Variants in ZNF682 observed in about 807,000 individuals in gnomAD.
ZNF682 encodes the protein zinc finger protein 682.
In ZNF682, 29 loss-of-function variants were observed where a neutral mutation model predicts 36.5. The observed-to-expected ratio is 0.80, with a 90% CI of 0.59 to 1.08. The LOEUF (loss-of-function observed/expected upper bound fraction) is 1.08, where lower values mean the gene tolerates loss of function less well. Ranked by LOEUF, ZNF682 falls within the 50% of genes least tolerant of loss-of-function variation. The pLI is 0.00. For missense variants in ZNF682, 561 were observed against 579.7 expected, an observed-to-expected ratio of 0.97 and a Z score of 0.33; for synonymous variants, 180 against 197.0, an observed-to-expected ratio of 0.91 and a Z score of 0.72.
At chr19:20,032,118 ATAAC>A (rs1315468461) in intron 1 of ZNF682, among the ~76,000 whole-genome samples, 1 of 152,192 alleles carries the variant, frequency 6.6e-6, no homozygotes, top group Non-Finnish European at 1.5e-5. Flanking sequence ...TCTGAGCCTG[ATAAC>A]TAACAGAACT....
chr19:20,039,132 C>A (rs2088560793), intron 1 of ZNF682: 2 of 1,393,876 alleles, frequency 1.4e-6, no homozygotes, highest in African/African-American at 2.9e-5. Flanking sequence ...AGCGGGAGAA[C>A]GGAACGGGAT....
At position 20,004,788 on chromosome 19, in the gene ZNF682, A is replaced by G. The variant is rs1164800481; in HGVS notation, c.*1217T>C. 4 of 152,314 alleles carry G rather than the reference A, an allele frequency of 2.6e-5. No homozygotes were observed. The highest frequency in any genetic ancestry group is 4.8e-5 in the African/African-American group (2 of 41,562). The allele number at this position is 152,314 out of a possible 1,614,324, so 9.4% of individuals were successfully genotyped here. On this transcript the variant is annotated 3_prime_UTR_variant, in exon 4 of 4. Coordinates refer to ENST00000397165, the MANE Select transcript of ZNF682 (RefSeq NM_033196.3). ...CAGCATCAAGTAATTTGAGAGTTCA[A>G]TTACATCAAAATTTGCCTTTGTAAA...
At chr19:19,999,124 G>A (rs946390477) in intron 3 of ZNF682, among the ~76,000 whole-genome samples, 2 of 152,116 alleles carry the variant, frequency 1.3e-5, no homozygotes, top group African/African-American at 4.8e-5. Flanking sequence ...ATTCAGGAGA[G>A]TCATCACCAG....
chr19:19,996,973 AGCACACACAGAC>A, downstream of ZNF682: 1 of 356,278 alleles, frequency 2.8e-6, no homozygotes. Context: ...TTCTCAGATA[AGCACACACAGAC>A]ACACACACAG....
At position 20,005,079 on chromosome 19, in the gene ZNF682, C is replaced by G. The variant is rs557807763; in HGVS notation, c.*926G>C. The G allele has an allele frequency of 7.2e-4, 110 of 151,940 alleles. No homozygotes were observed. Among genetic ancestry groups the G allele is most frequent in the African/African-American group, 2.4e-3 (99 of 41,446 alleles). The allele number at this position is 151,940 out of a possible 1,614,324, so 9.4% of individuals were successfully genotyped here. On this transcript the variant is annotated 3_prime_UTR_variant, in exon 4 of 4. Transcript: ENST00000397165. ...TGTTAAATGCTTTCATATAAACTAG[C>G]GTTCTTTCTTTTTTTTTGAGACAGA...
chr19:20,002,249 ATTTT>A (rs10610980), downstream of ZNF682, among the ~76,000 whole-genome samples: 27 of 127,364 alleles, frequency 2.1e-4, no homozygotes, highest in Admixed American at 5.5e-4. Flanking sequence ...CCCCTGGCTA[ATTTT>A]TTTTTTTTTT....
At chr19:20,028,004 G>A (rs1276426576) in intron 1 of ZNF682, among the ~76,000 whole-genome samples, 4 of 152,078 alleles carry the variant, frequency 2.6e-5, no homozygotes, top group Non-Finnish European at 5.9e-5. Flanking sequence ...AATTACATGG[G>A]ACACTTAATT....
chr19:19,999,427 A>G (rs992012025), downstream of ZNF682, among the ~76,000 whole-genome samples: 2 of 152,240 alleles, frequency 1.3e-5, no homozygotes, highest in Admixed American at 6.5e-5. Flanking sequence ...GAGATTTTTT[A>G]AAAATGGGCT....
intron 3 of ZNF682, among the ~76,000 whole-genome samples, chr19:20,022,054 C>G (rs994039743): frequency 6.6e-6 from 1 of 151,250 alleles, no homozygotes; most frequent in African/African-American, 2.4e-5. Flanking sequence ...CCTGTAATAC[C>G]AGCTACTTGG....
intron 1 of ZNF682, among the ~76,000 whole-genome samples, chr19:20,037,814 T>C (rs1384865963): frequency 6.6e-6 from 1 of 152,220 alleles, no homozygotes; most frequent in Non-Finnish European, 1.5e-5. Context: ...GCCAGCACTG[T>C]ATCTCTAAGA....
intron 3 of ZNF682, among the ~76,000 whole-genome samples, chr19:20,011,313 T>C (rs1489841226): frequency 6.6e-6 from 1 of 152,206 alleles, no homozygotes; most frequent in Non-Finnish European, 1.5e-5. Flanking sequence ...GGCACACCCA[T>C]GTTTATAAAG....
chr19:20,012,439 C>T (rs540283808), intron 3 of ZNF682, among the ~76,000 whole-genome samples: 1 of 152,260 alleles, frequency 6.6e-6, no homozygotes, highest in East Asian at 1.9e-4. Flanking sequence ...GTAGACTATG[C>T]ATCTGACAAG....
At chr19:20,039,182 TG>T in intron 1 of ZNF682, 160 bp downstream of exon 1, 3 of 1,380,632 alleles carry the variant, frequency 2.2e-6, no homozygotes, top group Non-Finnish European at 2.8e-6. Flanking sequence ...CCTCGCATCC[TG>T]TGCCCGGAGG....
chr19:20,015,997 T>C (rs1179090154), intron 3 of ZNF682, among the ~76,000 whole-genome samples: 1 of 152,172 alleles, frequency 6.6e-6, no homozygotes, highest in Non-Finnish European at 1.5e-5. Flanking sequence ...AAGAAAGCTT[T>C]TTACGTGCAG....
At chr19:20,032,115 C>T (rs1041812136) in intron 1 of ZNF682, among the ~76,000 whole-genome samples, 7 of 152,142 alleles carry the variant, frequency 4.6e-5, no homozygotes, top group African/African-American at 1.7e-4. Flanking sequence ...CTCTCTGAGC[C>T]TGATAACTAA....
chr19:20,014,463 A>G (rs2088317212), intron 3 of ZNF682, among the ~76,000 whole-genome samples: 1 of 152,152 alleles, frequency 6.6e-6, no homozygotes, highest in Admixed American at 6.5e-5. Context: ...ATGGAATAAT[A>G]CTCAGCTTTT....
Position 20,039,444 on chromosome 19 carries a change from A to G in ZNF682, c.-99T>C. On this transcript the variant is annotated 5_prime_UTR_variant, in exon 1 of 4. Transcript: ENST00000397165. ...GCTGCGACAGTCACCGGGAACTACT[A>G]GAGCAGAGGATACTAAGCAATGAAG... is the stretch of plus-strand genomic sequence containing the variant. 6.6e-7 allele frequency: 1 copy of G among 1,510,610 alleles called. No homozygotes were observed. The allele number at this position is 1,510,610 out of a possible 1,614,324, so 93.6% of individuals were successfully genotyped here.
Position 20,006,560 on chromosome 19 carries a change from T to A in ZNF682, c.942A>T (p.Lys314Asn). Residue 314 changes from lysine to asparagine, a missense_variant, in exon 4 of 4, where the codon AAA (lysine) becomes AAT (asparagine). Transcript: ENST00000397165. The stretch of plus-strand genomic sequence containing the variant: ...TAAAGGCTTTCCCACATTCTTTACA[T>A]TTGTAGGGTTTCTTTCCAGTGTGAA... ...KTIHTGKKPY[K>N]CKECGKAFNH... The A allele has an allele frequency of 2.5e-6, 4 of 1,614,094 alleles. No individual in the cohort carries two copies. Among genetic ancestry groups the A allele is most frequent in the Non-Finnish European group, 3.4e-6 (4 of 1,179,998 alleles).
In ZNF682 at chr19:20,004,775, A is replaced by C. The variant is rs983644358; in HGVS notation, c.*1230T>G. ...AGGAATAAAGACACAGCATCAAGTA[A>C]TTTGAGAGTTCAATTACATCAAAAT... On this transcript the variant is annotated 3_prime_UTR_variant, in exon 4 of 4. Coordinates refer to ENST00000397165, the MANE Select transcript of ZNF682 (RefSeq NM_033196.3). 2.2e-4 allele frequency: 33 copies of C among 152,218 alleles called. No homozygotes were observed. The highest frequency in any genetic ancestry group is 2.9e-5 in the Non-Finnish European group (2 of 68,036). The allele number at this position is 152,218 out of a possible 1,614,324, so 9.4% of individuals were successfully genotyped here.
Sources: gnomAD v4.1 joint callset for allele counts (sites outside exome capture counted in the v4.1 genomes callset) on GRCh38, gnomAD v4.1.1 for gene constraint, MANE v1.5 for transcripts, NCBI Gene and HGNC (gene_info 2026-07-23, HGNC 2026-07-21) for gene names.